The following GALNT13 variants were observed in gnomAD, a reference collection of about 807,000 sequenced individuals.
The protein encoded by GALNT13 is UDP-GalNAc:polypeptide N-acetylgalactosaminyltransferase 13.
In GALNT13, 28 loss-of-function variants were observed where a neutral mutation model predicts 64.2. The ratio of observed to expected loss-of-function variants is 0.44; its 90% CI spans 0.32 to 0.60. GALNT13 has a LOEUF of 0.60. GALNT13 is among the 20% of genes least tolerant of loss of function. The probability of loss-of-function intolerance (pLI) is 0.05; values close to 1 mark genes in which losing one functional copy is unlikely to be tolerated. For missense variants in GALNT13, 577 were observed against 669.8 expected, an observed-to-expected ratio of 0.86 and a Z score of 1.53; for synonymous variants, 214 against 224.6, an observed-to-expected ratio of 0.95 and a Z score of 0.42.
intron 9 of GALNT13, among the ~76,000 whole-genome samples, chr2:154,354,927 T>A (rs1696646647): frequency 1.5e-5 from 2 of 130,518 alleles, no homozygotes; most frequent in South Asian, 4.6e-4. Context: ...TTCCCATTGT[T>A]TTCTCTGACA....
intron 7 of GALNT13, among the ~76,000 whole-genome samples, chr2:154,250,578 C>T (rs928634209): frequency 6.6e-6 from 1 of 151,982 alleles, no homozygotes; most frequent in Non-Finnish European, 1.5e-5. Flanking sequence ...ATATTCCTGA[C>T]ACCTTCTGCC....
intron 4 of GALNT13, among the ~76,000 whole-genome samples, chr2:154,204,956 G>C (rs142678637): frequency 1.7e-3 from 263 of 152,276 alleles, no homozygotes; most frequent in Non-Finnish European, 2.8e-3. Context: ...TGTTAGCCCT[G>C]ATGGCTAACA....
intron 3 of GALNT13, among the ~76,000 whole-genome samples, chr2:154,122,363 TCATAAGAGGTATTGGTC>T (rs1681998895): frequency 1.3e-5 from 2 of 152,054 alleles, no homozygotes; most frequent in Non-Finnish European, 2.9e-5. Context: ...GTGTCTATCT[TCATAAGAGGTATTGGTC>T]CATAATTTTT....
the GALNT13 span, among the ~76,000 whole-genome samples, chr2:153,442,071 T>C: frequency 1.3e-5 from 2 of 152,220 alleles, no homozygotes; most frequent in African/African-American, 4.8e-5. Context: ...CAGTATGATA[T>C]TGGCTGTGGG....
rs182354669 is a variant in GALNT13 at position 154,024,737 on chromosome 2, G to A, written c.142+80098G>A. On this transcript the variant is annotated intron_variant, in intron 3 of 12. Coordinates refer to ENST00000392825, the MANE Select transcript of GALNT13 (RefSeq NM_052917.4). ...CCAGCTTTGTTCCGTTGCTGGTGAG[G>A]AGCTGCATTCCTTTGGAGGAGGAGA... Among the ~76,000 whole-genome samples, 342 of 152,270 alleles carry A rather than the reference G, an allele frequency of 2.2e-3. 3 individuals carry two copies. Among genetic ancestry groups the A allele is most frequent in the East Asian group, 1.2e-3 (6 of 5,182 alleles).
At chr2:153,819,450 A>G in the GALNT13 span, among the ~76,000 whole-genome samples, 9 of 152,302 alleles carry the variant, frequency 5.9e-5, no homozygotes, top group Non-Finnish European at 1.2e-4. Context: ...CCTCACTCCC[A>G]CACAGAGACT....
chr2:153,081,703 C>CT, the GALNT13 span, among the ~76,000 whole-genome samples: 3 of 152,106 alleles, frequency 2.0e-5, no homozygotes, highest in African/African-American at 7.2e-5. Context: ...AGATCTCATT[C>CT]TTTTTTTGTG....
At chr2:154,300,288 A>G (rs901234511) in intron 8 of GALNT13, among the ~76,000 whole-genome samples, 2 of 151,652 alleles carry the variant, frequency 1.3e-5, no homozygotes, top group Non-Finnish European at 2.9e-5. Flanking sequence ...TTTTTAGTAG[A>G]GACGGGTTTT....
chr2:153,932,569 G>GT (rs1260179569), intron 2 of GALNT13, among the ~76,000 whole-genome samples: 1 of 146,352 alleles, frequency 6.8e-6, no homozygotes, highest in Non-Finnish European at 1.5e-5. Flanking sequence ...TAATTTCCAT[G>GT]TAATTGTATG....
chr2:153,786,834 T>G, the GALNT13 span, among the ~76,000 whole-genome samples: 3 of 152,148 alleles, frequency 2.0e-5, no homozygotes, highest in Non-Finnish European at 4.4e-5. Context: ...CATAAGTATC[T>G]GTCCACACCT....
At chr2:153,173,690 C>T in the GALNT13 span, among the ~76,000 whole-genome samples, 1 of 152,152 alleles carries the variant, frequency 6.6e-6, no homozygotes, top group Non-Finnish European at 1.5e-5. Flanking sequence ...AATATTAATA[C>T]ATTCACCCCA....
chr2:154,059,901 T>C (rs1201148820), intron 3 of GALNT13, among the ~76,000 whole-genome samples: 4 of 152,160 alleles, frequency 2.6e-5, no homozygotes, highest in Admixed American at 6.6e-5. Context: ...CAAGGGATGG[T>C]GAAGCTTGGG....
chr2:154,194,190 TAA>T (rs1378595777), intron 4 of GALNT13, among the ~76,000 whole-genome samples: 2 of 152,184 alleles, frequency 1.3e-5, no homozygotes, highest in African/African-American at 4.8e-5. Flanking sequence ...CAGCCAAGTT[TAA>T]GTCTTACTGC....
chr2:154,267,231 TAGG>T (rs1461464464), intron 8 of GALNT13, among the ~76,000 whole-genome samples: 3 of 152,210 alleles, frequency 2.0e-5, no homozygotes, highest in Admixed American at 1.3e-4. Context: ...AAAGAAAACA[TAGG>T]AGAAGAACTT....
At chr2:153,884,856 T>C (rs532035565) in intron 1 of GALNT13, among the ~76,000 whole-genome samples, 3,014 of 120,510 alleles carry the variant, frequency 0.025, 60 homozygotes, top group Non-Finnish European at 0.034. Context: ...TATATGTATA[T>C]ACACACACAC....
chr2:154,413,655 A>G (rs1699887062), intron 11 of GALNT13, among the ~76,000 whole-genome samples: 2 of 151,886 alleles, frequency 1.3e-5, no homozygotes, highest in South Asian at 4.1e-4. Context: ...GTGTTTTCCT[A>G]TCCTAGCAGT....
At chr2:153,903,194 T>A (rs1350685588) in intron 2 of GALNT13, among the ~76,000 whole-genome samples, 2 of 152,070 alleles carry the variant, frequency 1.3e-5, no homozygotes, top group Non-Finnish European at 2.9e-5. Context: ...GTCATCTTAA[T>A]CTGATTTGTC....
chr2:153,378,610 C>A, the GALNT13 span, among the ~76,000 whole-genome samples: 1 of 152,056 alleles, frequency 6.6e-6, no homozygotes, highest in Non-Finnish European at 1.5e-5. Context: ...ATAACAGTGT[C>A]CACTTTAAAG....
At chr2:153,106,709 A>G in the GALNT13 span, among the ~76,000 whole-genome samples, 1 of 152,188 alleles carries the variant, frequency 6.6e-6, no homozygotes, top group Non-Finnish European at 1.5e-5. Context: ...TTAGGAGTGA[A>G]GATGAAGGAT....
Sources: gnomAD v4.1 joint callset for allele counts (sites outside exome capture counted in the v4.1 genomes callset) on GRCh38, gnomAD v4.1.1 for gene constraint, MANE v1.5 for transcripts, NCBI Gene and HGNC (gene_info 2026-07-23, HGNC 2026-07-21) for gene names.